The following TAB2 variants were observed in gnomAD, a reference collection of about 807,000 sequenced individuals.
The protein encoded by TAB2 is TGF-beta-activated kinase 1 and MAP3K7-binding protein 2.
TAB2 carries 3 observed loss-of-function variants against 65.0 expected under a neutral mutation model. The ratio of observed to expected loss-of-function variants is 0.05; its 90% CI spans 0.02 to 0.12. The LOEUF is 0.12. Among genes scored for constraint, TAB2 ranks in the 10% least tolerant of loss-of-function variants. The pLI is 1.00. For synonymous variants in TAB2, 298 were observed against 285.1 expected (o/e 1.05, Z -0.46); for missense variants, 623 against 840.3 (o/e 0.74, Z 3.20).
chr6:149,373,447 A>G (rs1781295227), intron 2 of TAB2, among the ~76,000 whole-genome samples: 1 of 152,232 alleles, frequency 6.6e-6, no homozygotes, highest in Non-Finnish European at 1.5e-5. Flanking sequence ...TATTTCTATG[A>G]TAACACCTAC....
At chr6:149,368,101 A>T (rs1235712501) in intron 1 of TAB2, among the ~76,000 whole-genome samples, 1 of 152,198 alleles carries the variant, frequency 6.6e-6, no homozygotes, top group Non-Finnish European at 1.5e-5. Context: ...GAACTCTACC[A>T]GCCACCAACA....
chr6:149,360,294 C>A (rs1780800238), intron 1 of TAB2, among the ~76,000 whole-genome samples: 1 of 152,106 alleles, frequency 6.6e-6, no homozygotes, highest in African/African-American at 2.4e-5. Context: ...GTTTAATTGG[C>A]TCCTAGTTCT....
rs549686237 is a variant in TAB2 at position 149,410,946 on chromosome 6, C to G, written c.*1227C>G. On this transcript the variant is annotated 3_prime_UTR_variant, in exon 7 of 7. Coordinates refer to ENST00000637181, the MANE Select transcript of TAB2 (RefSeq NM_001292034.3). Reference sequence around the variant, plus strand: ...TGGGGCAGTCCATTTCTAATCCTGACTTGGTGACAGTATCATGTGTATTTA... The same window carrying G: ...TGGGGCAGTCCATTTCTAATCCTGAGTTGGTGACAGTATCATGTGTATTTA... 10 of 152,440 alleles carry G rather than the reference C, an allele frequency of 6.6e-5. No homozygotes were observed. Among genetic ancestry groups the G allele is most frequent in the African/African-American group, 2.4e-4 (10 of 41,464 alleles). The allele number at this position is 152,440 out of a possible 1,614,324, so 9.4% of individuals were successfully genotyped here.
chr6:149,309,896 G>A (rs983770390), intron 1 of TAB2, among the ~76,000 whole-genome samples: 4 of 151,862 alleles, frequency 2.6e-5, no homozygotes, highest in African/African-American at 9.7e-5. Context: ...GTGTGTGTGT[G>A]TGTGTGATTT....
intron 1 of TAB2, among the ~76,000 whole-genome samples, chr6:149,283,675 A>C (rs1185363668): frequency 6.6e-6 from 1 of 152,076 alleles, no homozygotes; most frequent in African/African-American, 2.4e-5. Context: ...ACTCCATTGT[A>C]CTCCAGCCCA....
chr6:149,381,296 TA>T (rs1285112041), intron 3 of TAB2, among the ~76,000 whole-genome samples: 1 of 152,224 alleles, frequency 6.6e-6, no homozygotes, highest in Non-Finnish European at 1.5e-5. Flanking sequence ...TTATAAATGT[TA>T]TATGCTATTA....
chr6:149,405,693 A>T (rs1294397617), intron 6 of TAB2, among the ~76,000 whole-genome samples: 2 of 152,236 alleles, frequency 1.3e-5, no homozygotes, highest in Admixed American at 1.3e-4. Context: ...ATTCAAAAAT[A>T]TCAAACTCCT....
intron 1 of TAB2, among the ~76,000 whole-genome samples, chr6:149,352,334 T>C (rs1443184685): frequency 1.3e-5 from 2 of 152,202 alleles, no homozygotes; most frequent in African/African-American, 4.8e-5. Flanking sequence ...TCCTACACTC[T>C]TAAATATATA....
At chr6:149,231,991 T>G (rs1777414561) in intron 1 of TAB2, among the ~76,000 whole-genome samples, 1 of 151,984 alleles carries the variant, frequency 6.6e-6, no homozygotes, top group South Asian at 2.1e-4. Context: ...TACAAACGCT[T>G]GGGAAAACAT....
intron 1 of TAB2, among the ~76,000 whole-genome samples, chr6:149,331,305 T>TA (rs1298115011): frequency 2.6e-5 from 4 of 152,154 alleles, no homozygotes; most frequent in African/African-American, 7.2e-5. Context: ...TAGATATATA[T>TA]TTTTTAGAAC....
intron 2 of TAB2, among the ~76,000 whole-genome samples, chr6:149,377,067 CTT>C (rs61680453): frequency 0.24 from 34,526 of 143,216 alleles, 4,223 homozygotes; most frequent in Non-Finnish European, 0.26. Flanking sequence ...ACAAATGTAA[CTT>C]ATTTTTTTTT....
At chr6:149,399,537 C>G (rs557251655) in intron 6 of TAB2, among the ~76,000 whole-genome samples, 1 of 151,696 alleles carries the variant, frequency 6.6e-6, no homozygotes, top group African/African-American at 2.4e-5. Context: ...AGTTCCCCCC[C>G]CCCATGAGTA....
At chr6:149,400,818 C>A in intron 6 of TAB2, 2 of 958,376 alleles carry the variant, frequency 2.1e-6, no homozygotes, top group East Asian at 2.6e-5. Flanking sequence ...TTGTTTCCCC[C>A]TTCCACATTC....
chr6:149,379,374 C>T lies in TAB2; in HGVS notation c.1459C>T (p.Leu487Phe), dbSNP rs1781527978. 2 of 1,614,082 alleles carry T rather than the reference C, an allele frequency of 1.2e-6. No individual in the cohort carries two copies. The highest frequency in any genetic ancestry group is 1.7e-5 in the Admixed American group (1 of 60,004). Residue 487 changes from leucine to phenylalanine, a missense_variant, in exon 3 of 7, where the codon CTT becomes TTT. Physicochemically the swap from Leu to Phe is conservative, Grantham distance 22. Coordinates refer to ENST00000637181, the MANE Select transcript of TAB2 (RefSeq NM_001292034.3). Reference sequence around the variant, plus strand: ...AGGGGTGGTGTCCCCTACCTTTGAACTTACAAATCTTCTTAATCATCCTGA... The same window carrying T: ...AGGGGTGGTGTCCCCTACCTTTGAATTTACAAATCTTCTTAATCATCCTGA... ...SPGVVSPTFE[L>F]TNLLNHPDHY...
At chr6:149,336,355 T>G (rs1307045988) in intron 1 of TAB2, among the ~76,000 whole-genome samples, 2 of 152,210 alleles carry the variant, frequency 1.3e-5, no homozygotes, top group African/African-American at 4.8e-5. Flanking sequence ...GTGGAACTTT[T>G]GGCTTATCTT....
At chr6:149,232,670 G>A (rs139581297) in intron 1 of TAB2, among the ~76,000 whole-genome samples, 1 of 152,290 alleles carries the variant, frequency 6.6e-6, no homozygotes, top group African/African-American at 2.4e-5. Context: ...TCACTGAACT[G>A]GATAATAACA....
intron 2 of TAB2, among the ~76,000 whole-genome samples, chr6:149,377,130 C>T (rs1266891678): frequency 1.4e-5 from 2 of 147,788 alleles, no homozygotes; most frequent in African/African-American, 2.5e-5. Context: ...AGTGCAGTGG[C>T]GCAGTCTCGG....
chr6:149,222,228 G>A (rs1264960021), intron 1 of TAB2, among the ~76,000 whole-genome samples: 1 of 152,134 alleles, frequency 6.6e-6, no homozygotes, highest in Non-Finnish European at 1.5e-5. Flanking sequence ...AGTTTGGACT[G>A]GAATTACACC....
At chr6:149,276,280 C>T (rs1441102878) in intron 1 of TAB2, among the ~76,000 whole-genome samples, 2 of 152,050 alleles carry the variant, frequency 1.3e-5, no homozygotes, top group Admixed American at 1.3e-4. Flanking sequence ...GCAGATATAG[C>T]TTAGTGGTAA....
Sources: gnomAD v4.1 joint callset for allele counts (sites outside exome capture counted in the v4.1 genomes callset) on GRCh38, gnomAD v4.1.1 for gene constraint, MANE v1.5 for transcripts, NCBI Gene and HGNC (gene_info 2026-07-23, HGNC 2026-07-21) for gene names.